Variants in SLCO6A1 observed in about 807,000 individuals in gnomAD.
SLCO6A1 encodes the protein cancer/testis antigen 48.
SLCO6A1 carries 65 observed loss-of-function variants against 72.7 expected under a neutral mutation model. The observed-to-expected ratio is 0.89, with a 90% CI of 0.73 to 1.10. The LOEUF (loss-of-function observed/expected upper bound fraction) is 1.10. SLCO6A1 is among the 50% of genes least tolerant of loss of function. The pLI, the probability that SLCO6A1 is intolerant of heterozygous loss-of-function variation, is 0.00. For synonymous variants in SLCO6A1, 314 were observed against 298.2 expected, an observed-to-expected ratio of 1.05 and a Z score of -0.55; for missense variants, 874 against 872.6, an observed-to-expected ratio of 1.00 and a Z score of -0.02.
intron 6 of SLCO6A1, among the ~76,000 whole-genome samples, chr5:102,455,027 T>TATATATATACACAA (rs144619414): frequency 2.1e-5 from 3 of 141,830 alleles, no homozygotes; most frequent in African/African-American, 8.1e-5. Context: ...TATATATATA[T>TATATATATACACAA]AAATTATGTT....
At chr5:102,390,883 A>G in intron 11 of SLCO6A1, 98 bp downstream of exon 11, 1 of 1,034,640 alleles carries the variant, frequency 9.7e-7, no homozygotes, top group Non-Finnish European at 1.4e-6. Flanking sequence ...GCTTTGTGTC[A>G]TTTACTATTA....
chr5:102,408,682 A>C (rs1485544022), intron 9 of SLCO6A1, among the ~76,000 whole-genome samples: 1 of 152,182 alleles, frequency 6.6e-6, no homozygotes, highest in Non-Finnish European at 1.5e-5. Context: ...AAGGTTCTTC[A>C]GGCAGAAGAA....
intron 12 of SLCO6A1, among the ~76,000 whole-genome samples, chr5:102,383,956 C>T (rs371526876): frequency 1.7e-4 from 26 of 151,824 alleles, no homozygotes; most frequent in Middle Eastern, 3.4e-3. Flanking sequence ...TTACCTAGGT[C>T]ATCCAATTTG....
intron 4 of SLCO6A1, 91 bp from the exon 5 acceptor site, chr5:102,459,868 A>T: frequency 8.7e-7 from 1 of 1,154,160 alleles, no homozygotes; most frequent in Non-Finnish European, 1.2e-6. Flanking sequence ...AGTGAGAGTG[A>T]GAGAGGGAGG....
chr5:102,466,912 T>G (rs1056918801), intron 4 of SLCO6A1, among the ~76,000 whole-genome samples: 2 of 152,324 alleles, frequency 1.3e-5, no homozygotes, highest in African/African-American at 4.8e-5. Context: ...AGATGCTGGA[T>G]ATTAGACCTT....
At chr5:102,417,196 T>C (rs1176144868) in intron 8 of SLCO6A1, among the ~76,000 whole-genome samples, 2 of 152,130 alleles carry the variant, frequency 1.3e-5, no homozygotes, top group African/African-American at 4.8e-5. Flanking sequence ...AGATACATCT[T>C]TTCCCATTCT....
In SLCO6A1 at chr5:102,460,697, C is replaced by T. The variant is rs527273953; in HGVS notation, c.900-920G>A. Among the ~76,000 whole-genome samples the T allele has an allele frequency of 6.8e-4, 104 of 151,962 alleles. 1 individual carries two copies. Among genetic ancestry groups the T allele is most frequent in the Non-Finnish European group, 1.1e-3 (74 of 67,944 alleles). On this transcript the variant is annotated intron_variant, in intron 4 of 13. Coordinates refer to ENST00000506729, the MANE Select transcript of SLCO6A1 (RefSeq NM_173488.5). ...CACAGAAACCATAGTTTTGGAAGTG[C>T]TGGTTTTTCATGGGTGTTTCTGTTG... is the stretch of plus-strand genomic sequence containing the variant.
intron 12 of SLCO6A1, among the ~76,000 whole-genome samples, chr5:102,385,309 T>C (rs1746353797): frequency 6.6e-6 from 1 of 152,160 alleles, no homozygotes; most frequent in Non-Finnish European, 1.5e-5. Flanking sequence ...CTATTTGGTG[T>C]TACTTATGCT....
At chr5:102,440,949 A>G (rs188882573) in intron 6 of SLCO6A1, among the ~76,000 whole-genome samples, 1 of 152,250 alleles carries the variant, frequency 6.6e-6, no homozygotes, top group Non-Finnish European at 1.5e-5. Flanking sequence ...GTGTGTATGA[A>G]CTGGCTCTTT....
chr5:102,419,105 G>T (rs1175153054), intron 8 of SLCO6A1, among the ~76,000 whole-genome samples: 1 of 152,048 alleles, frequency 6.6e-6, no homozygotes, highest in Non-Finnish European at 1.5e-5. Context: ...GGAAAAAGTG[G>T]CTGCAAAAAG....
At chr5:102,415,333 C>T (rs1252212942) in intron 8 of SLCO6A1, among the ~76,000 whole-genome samples, 1 of 152,090 alleles carries the variant, frequency 6.6e-6, no homozygotes, top group African/African-American at 2.4e-5. Flanking sequence ...GTAACCAAAA[C>T]AGCATTGTAG....
At chr5:102,484,950 T>C (rs142132147) in intron 1 of SLCO6A1, among the ~76,000 whole-genome samples, 89 of 152,240 alleles carry the variant, frequency 5.8e-4, no homozygotes, top group Middle Eastern at 3.4e-3. Flanking sequence ...TGAACAGGAC[T>C]GGGTTGTTTT....
At chr5:102,479,834 T>A (rs534015861) in intron 2 of SLCO6A1, among the ~76,000 whole-genome samples, 15 of 152,154 alleles carry the variant, frequency 9.9e-5, no homozygotes, top group Admixed American at 6.5e-4. Context: ...CTGATAATAA[T>A]AAAAAATGCC....
intron 8 of SLCO6A1, among the ~76,000 whole-genome samples, chr5:102,414,921 A>T (rs1442938506): frequency 1.5e-4 from 19 of 126,526 alleles, no homozygotes; most frequent in South Asian, 1.1e-3. Flanking sequence ...ATAAATAAAT[A>T]AATAAATAAA....
Position 102,404,447 on chromosome 5 carries a change from A to C in SLCO6A1, c.1627-4705T>G, listed in dbSNP as rs927939801. Among the ~76,000 whole-genome samples the C allele has an allele frequency of 2.1e-4, 32 of 152,244 alleles. 1 individual carries two copies. Among genetic ancestry groups the C allele is most frequent in the African/African-American group, 7.7e-4 (32 of 41,532 alleles). ...GAGGCGGAGCTTGCAGTGAGCCAAG[A>C]TCTCGCCACTGCTGTGCCACTGTAC... On this transcript the variant is annotated intron_variant, in intron 9 of 13. Transcript: ENST00000506729.
At chr5:102,435,684 G>T (rs190066134) in intron 7 of SLCO6A1, among the ~76,000 whole-genome samples, 12 of 152,138 alleles carry the variant, frequency 7.9e-5, no homozygotes, top group Non-Finnish European at 1.5e-4. Flanking sequence ...CGACCTGCCT[G>T]AGCAACATGG....
At chr5:102,464,524 G>A (rs7732942) in intron 4 of SLCO6A1, among the ~76,000 whole-genome samples, 98,416 of 152,008 alleles carry the variant, frequency 0.65, 32,063 homozygotes, top group African/African-American at 0.67. Context: ...AAAAGGGACT[G>A]TTTAAGTGAC....
intron 2 of SLCO6A1, among the ~76,000 whole-genome samples, chr5:102,479,440 T>C (rs1752074126): frequency 6.6e-6 from 1 of 152,102 alleles, no homozygotes; most frequent in South Asian, 2.1e-4. Context: ...ATTTTAAATG[T>C]CAAAAATAAT....
intron 9 of SLCO6A1, among the ~76,000 whole-genome samples, chr5:102,400,790 TGA>T (rs1397464102): frequency 1.3e-5 from 2 of 152,080 alleles, no homozygotes; most frequent in African/African-American, 4.8e-5. Context: ...GTGAAGTTGC[TGA>T]GAGGTTAATA....
Sources: allele counts gnomAD v4.1 joint callset (sites outside exome capture counted in the v4.1 genomes callset), GRCh38; gene constraint gnomAD v4.1.1; transcripts MANE v1.5; gene names NCBI Gene and HGNC (gene_info 2026-07-23, HGNC 2026-07-21).